PCNX2: variants seen among roughly 807,000 people sequenced by gnomAD.
PCNX2 encodes pecanex-like protein 2.
PCNX2 carries 168 observed loss-of-function variants against 223.8 expected under a neutral mutation model. That is an observed-to-expected ratio of 0.75 (90% CI 0.66 to 0.85). The LOEUF is 0.85. Among genes scored for constraint, PCNX2 ranks in the 40% least tolerant of loss-of-function variants. The pLI, the probability that PCNX2 is intolerant of heterozygous loss-of-function variation, is 0.00. For synonymous variants in PCNX2, 1,006 were observed against 1,052.6 expected, an observed-to-expected ratio of 0.96 and a Z score of 0.86; for missense variants, 2,507 against 2,675.5, an observed-to-expected ratio of 0.94 and a Z score of 1.39.
intron 21 of PCNX2, among the ~76,000 whole-genome samples, chr1:233,098,201 T>C (rs1674289003): frequency 6.6e-6 from 1 of 152,214 alleles, no homozygotes; most frequent in South Asian, 2.1e-4. Flanking sequence ...TGTGTATTCC[T>C]GTATCCTGGG....
intron 1 of PCNX2, among the ~76,000 whole-genome samples, chr1:233,277,121 G>A (rs914998402): frequency 1.3e-5 from 2 of 152,256 alleles, no homozygotes; most frequent in Admixed American, 1.3e-4. Context: ...GAGACACAAA[G>A]AAAGCCTGTG....
chr1:233,200,978 A>G (rs1681059407), intron 13 of PCNX2, among the ~76,000 whole-genome samples: 2 of 141,458 alleles, frequency 1.4e-5, no homozygotes, highest in Admixed American at 7.5e-5. Context: ...GTGAGCCGAG[A>G]TTGCACCACT....
chr1:233,059,785 A>G (rs1672335521), intron 23 of PCNX2, among the ~76,000 whole-genome samples: 1 of 152,210 alleles, frequency 6.6e-6, no homozygotes. Context: ...TATGTGGCTT[A>G]TGTTTAAACA....
chr1:233,077,713 A>T (rs1673158942), intron 23 of PCNX2, among the ~76,000 whole-genome samples: 1 of 152,222 alleles, frequency 6.6e-6, no homozygotes, highest in Non-Finnish European at 1.5e-5. Context: ...AAGATATTAC[A>T]AAATATAAAA....
intron 25 of PCNX2, among the ~76,000 whole-genome samples, chr1:233,035,021 T>C (rs1251707735): frequency 1.3e-5 from 2 of 152,074 alleles, no homozygotes; most frequent in Non-Finnish European, 1.5e-5. Context: ...CACAGTCTCA[T>C]TTCAGGGACA....
intron 21 of PCNX2, among the ~76,000 whole-genome samples, chr1:233,127,575 C>CT (rs962070818): frequency 6.6e-6 from 1 of 151,994 alleles, no homozygotes; most frequent in African/African-American, 2.4e-5. Flanking sequence ...TTTTTCCAAA[C>CT]TCTCCAAGCA....
chr1:233,144,581 G>A (rs1157959287), intron 19 of PCNX2, among the ~76,000 whole-genome samples: 1 of 152,186 alleles, frequency 6.6e-6, no homozygotes, highest in Non-Finnish European at 1.5e-5. Flanking sequence ...GCTGCCCTGT[G>A]TAGAGTGGTA....
the PCNX2 span, among the ~76,000 whole-genome samples, chr1:233,302,645 CAT>C: frequency 2.9e-4 from 43 of 147,422 alleles, no homozygotes; most frequent in South Asian, 1.1e-3. Flanking sequence ...CTCCTTCCAT[CAT>C]ATATATATAT....
intron 9 of PCNX2, among the ~76,000 whole-genome samples, chr1:233,233,960 T>C (rs1270253057): frequency 6.6e-6 from 1 of 152,118 alleles, no homozygotes; most frequent in Non-Finnish European, 1.5e-5. Flanking sequence ...ACATTTCAGC[T>C]GAGGTGTCAC....
intron 15 of PCNX2, among the ~76,000 whole-genome samples, chr1:233,179,746 G>A (rs994551775): frequency 6.6e-6 from 1 of 152,210 alleles, no homozygotes; most frequent in African/African-American, 2.4e-5. Flanking sequence ...CTTTAGCCCA[G>A]TTAGTTGCTT....
intron 32 of PCNX2, among the ~76,000 whole-genome samples, chr1:232,995,914 G>C (rs1669858831): frequency 6.6e-6 from 1 of 152,100 alleles, no homozygotes; most frequent in Non-Finnish European, 1.5e-5. Flanking sequence ...CTGGAGTGCT[G>C]TGGCGTGATC....
Position 233,227,757 on chromosome 1 carries a change from T to C in PCNX2, c.2359-386A>G, listed in dbSNP as rs188076253. 5.4e-3 allele frequency among the ~76,000 whole-genome samples: 827 copies of C among 152,316 alleles called. 4 individuals carry two copies. The highest frequency in any genetic ancestry group is 8.8e-3 in the Non-Finnish European group (602 of 68,030). On this transcript the variant is annotated intron_variant, in intron 9 of 33. Transcript: ENST00000258229. ...AATGACTTCATTTCTGAAAAGTGTG[T>C]TAATGTTGAGATACATATTCAAATT...
chr1:233,295,503 AGCGCCCCGCTGCACCCTGC>A lies in PCNX2; in HGVS notation c.-44_-26del. The A allele has an allele frequency of 6.5e-7, 1 of 1,538,968 alleles. No individual in the cohort carries two copies. Among genetic ancestry groups the A allele is most frequent in the Non-Finnish European group, 8.8e-7 (1 of 1,141,860 alleles). On this transcript the variant is annotated 5_prime_UTR_variant, in exon 1 of 34. Coordinates refer to ENST00000258229, the MANE Select transcript of PCNX2 (RefSeq NM_014801.4). The surrounding 1 kb of genome is among the most constrained non-coding windows in gnomAD (Gnocchi z 4.1). ...TGCCGGCTGCGCCCCGGGGCTGGTG[AGCGCCCCGCTGCACCCTGC>A]GCGCCCCGGCCGGATCTCCAGGCTC...
intron 9 of PCNX2, 46 bp from the exon 10 acceptor site, chr1:233,227,417 T>C: frequency 6.4e-7 from 1 of 1,570,456 alleles, no homozygotes; most frequent in Non-Finnish European, 8.6e-7. Flanking sequence ...CTTTATGTTG[T>C]CATGGCATGG....
intron 19 of PCNX2, among the ~76,000 whole-genome samples, chr1:233,151,875 G>A (rs527283220): frequency 4.6e-5 from 7 of 152,230 alleles, no homozygotes; most frequent in Middle Eastern, 3.4e-3. Context: ...GGGTACAGGC[G>A]TGAGCCACTG....
At chr1:233,252,213 C>T in intron 7 of PCNX2, 141 bp downstream of exon 7, 1 of 980,862 alleles carries the variant, frequency 1.0e-6, no homozygotes, top group Non-Finnish European at 1.4e-6. Flanking sequence ...ACACTCCATT[C>T]AAAGAACAGT....
intron 15 of PCNX2, among the ~76,000 whole-genome samples, chr1:233,188,383 C>T (rs183934861): frequency 7.2e-5 from 11 of 152,250 alleles, no homozygotes; most frequent in Non-Finnish European, 1.2e-4. Context: ...ATAACCTGGC[C>T]GTTTACTTCT....
chr1:233,034,753 C>T (rs749044514), intron 25 of PCNX2, among the ~76,000 whole-genome samples: 1 of 151,960 alleles, frequency 6.6e-6, no homozygotes, highest in Non-Finnish European at 1.5e-5. Context: ...TTTTTTGCAT[C>T]CCAAAAGGCC....
At chr1:233,261,113 C>T (rs565952282) in intron 4 of PCNX2, among the ~76,000 whole-genome samples, 172 bp downstream of exon 4, 4 of 151,928 alleles carry the variant, frequency 2.6e-5, no homozygotes, top group East Asian at 1.9e-4. Flanking sequence ...ATACAAATAC[C>T]GATGAGAAAA....
Sources: allele counts gnomAD v4.1 joint callset (sites outside exome capture counted in the v4.1 genomes callset), GRCh38; gene constraint gnomAD v4.1.1; non-coding constraint Gnocchi (gnomAD v3.1); transcripts MANE v1.5; gene names NCBI Gene and HGNC (gene_info 2026-07-23, HGNC 2026-07-21).